Variants in PRDM10 observed in about 807,000 individuals in gnomAD.
The protein encoded by PRDM10 is PR/SET domain 10.
PRDM10 carries 65 observed loss-of-function variants against 133.1 expected under a neutral mutation model. The ratio of observed to expected loss-of-function variants is 0.49; its 90% confidence interval spans 0.40 to 0.60. The LOEUF is 0.60. Among genes scored for constraint, PRDM10 ranks in the 20% least tolerant of loss-of-function variants. The probability of loss-of-function intolerance (pLI) is 0.00; values close to 1 mark genes in which losing one functional copy is unlikely to be tolerated. For synonymous variants in PRDM10, 582 were observed against 580.4 expected (o/e 1.00, Z -0.04); for missense variants, 1,137 against 1,507.1 (o/e 0.75, Z 4.07).
intron 9 of PRDM10, among the ~76,000 whole-genome samples, chr11:129,932,778 C>G (rs376772427): frequency 1.0e-3 from 148 of 147,834 alleles, no homozygotes; most frequent in African/African-American, 3.0e-3. Flanking sequence ...TTTTTTTTCT[C>G]TTTTTGAGGC....
intron 4 of PRDM10, chr11:129,948,092 T>C (rs1347808659): frequency 2.2e-6 from 1 of 456,768 alleles, no homozygotes; most frequent in Non-Finnish European, 4.4e-6. Flanking sequence ...TGTTTCATCA[T>C]GCTGAAGTCA....
intron 2 of PRDM10, among the ~76,000 whole-genome samples, chr11:129,960,006 C>T (rs1459252306): frequency 6.6e-6 from 1 of 151,838 alleles, no homozygotes; most frequent in African/African-American, 2.4e-5. Flanking sequence ...ATCGAGCCTC[C>T]TGCCTTGCCC....
chr11:129,998,487 A>C (rs1294791866), intron 1 of PRDM10, among the ~76,000 whole-genome samples: 4 of 152,234 alleles, frequency 2.6e-5, no homozygotes, highest in Non-Finnish European at 5.9e-5. Flanking sequence ...ATGTTAGCAG[A>C]CAGTAACCTT....
intron 19 of PRDM10, among the ~76,000 whole-genome samples, chr11:129,906,546 T>C (rs1197986801): frequency 6.6e-6 from 1 of 152,212 alleles, no homozygotes; most frequent in Non-Finnish European, 1.5e-5. Context: ...TTGTGAAAAC[T>C]GGTAAACAAA....
At position 129,945,911 on chromosome 11, in the gene PRDM10, T is replaced by G. The variant is rs1378329493; in HGVS notation, c.521-899A>C. Among the ~76,000 whole-genome samples the G allele has an allele frequency of 6.6e-6, 1 of 152,224 alleles. No individual in the cohort carries two copies. Among genetic ancestry groups the G allele is most frequent in the Non-Finnish European group, 1.5e-5 (1 of 68,042 alleles). ...TAATATTTTAAAGATAAAGTGATTT[T>G]CTGTGCATTTGACTTAGGAGTTGCC... On this transcript the variant is annotated intron_variant, in intron 5 of 20. Transcript: ENST00000360871. This position sits in a 1 kb window ranked among gnomAD's most constrained non-coding sequence, Gnocchi z 4.2.
Position 129,945,153 on chromosome 11 carries a change from A to G in PRDM10, c.521-141T>C. ...AACTCCTAATGGCGCTACCCATTCA[A>G]CGGTAATACATTCTCTCTGGGAGAC... is the stretch of plus-strand genomic sequence containing the variant. On this transcript the variant is annotated intron_variant, in intron 5 of 20. Transcript: ENST00000360871. The surrounding 1 kb of genome is among the most constrained non-coding windows in gnomAD (Gnocchi z 4.2). The G allele has an allele frequency of 1.0e-6, 1 of 998,094 alleles. No homozygotes were observed. The highest frequency in any genetic ancestry group is 1.6e-5 in the African/African-American group (1 of 60,658). 61.8% of individuals were successfully genotyped at this position (998,094 alleles called of 1,614,324 possible).
chr11:129,966,209 A>T (rs1331965643), intron 1 of PRDM10, among the ~76,000 whole-genome samples: 2 of 152,094 alleles, frequency 1.3e-5, no homozygotes, highest in Non-Finnish European at 2.9e-5. Context: ...GAGTCACTGC[A>T]CTCCAGCCTA....
At chr11:129,994,661 C>G (rs1267228462) in intron 1 of PRDM10, among the ~76,000 whole-genome samples, 1 of 150,306 alleles carries the variant, frequency 6.7e-6, no homozygotes, top group Non-Finnish European at 1.5e-5. Context: ...TTTTCTTTCT[C>G]TTTTTTTTGA....
At chr11:129,963,609 T>C (rs1176055544) in intron 1 of PRDM10, among the ~76,000 whole-genome samples, 1 of 152,086 alleles carries the variant, frequency 6.6e-6, no homozygotes, top group Non-Finnish European at 1.5e-5. Flanking sequence ...TTTACTTTAC[T>C]ATTTCCCCTC....
Position 129,910,558 on chromosome 11 carries a change from C to A in PRDM10, c.3081G>T (p.Leu1027=). 2 of 1,614,036 alleles carry A rather than the reference C, an allele frequency of 1.2e-6. No homozygotes were observed. Among genetic ancestry groups the A allele is most frequent in the Non-Finnish European group, 1.7e-6 (2 of 1,179,990 alleles). ...TCTGCTGCTGCTGCTGCTGCTGCTG[C>A]AGAGCCTGCCCCTGTGTGGAAGAAC... ...QGSSSTQGQA[L]QQQQQQQQNS... Residue 1027 remains leucine, a synonymous_variant, in exon 19 of 21, where the codon CTG becomes CTT. Transcript: ENST00000360871.
rs961046406 is a variant in PRDM10, at chr11:129,945,286, T to C, written c.521-274A>G. ...CTTCTTTGCTGGAGAGTCCTTTGAA[T>C]AGTGGCCACTAAATTTACAAATCAA... On this transcript the variant is annotated intron_variant, in intron 5 of 20. Coordinates refer to ENST00000360871, the MANE Select transcript of PRDM10 (RefSeq NM_199437.2). This position sits in a 1 kb window ranked among gnomAD's most constrained non-coding sequence, Gnocchi z 4.2. Among the ~76,000 whole-genome samples the C allele has an allele frequency of 6.6e-6, 1 of 152,170 alleles. No homozygotes were observed. Among genetic ancestry groups the C allele is most frequent in the Non-Finnish European group, 1.5e-5 (1 of 68,024 alleles).
chr11:129,915,656 C>T lies in PRDM10; in HGVS notation c.2526+4G>A, dbSNP rs535656586. The T allele has an allele frequency of 1.7e-5, 27 of 1,566,952 alleles. No individual in the cohort carries two copies. The African/African-American group carries it at 3.4e-4, about 20-fold the overall frequency. On this transcript the variant is annotated splice_donor_region_variant and intron_variant, in intron 16 of 20. Coordinates refer to ENST00000360871, the MANE Select transcript of PRDM10 (RefSeq NM_199437.2). ...CCTTAGCTTTAGTCAGAAACTCCCC[C>T]TACCTTGCTGCTGTACTGCTTGGAG...
At chr11:129,928,503 T>C (rs1950753526) in intron 11 of PRDM10, among the ~76,000 whole-genome samples, 1 of 152,018 alleles carries the variant, frequency 6.6e-6, no homozygotes, top group Non-Finnish European at 1.5e-5. Context: ...GATTCTCTCA[T>C]CTCAGCCTCC....
intron 9 of PRDM10, 85 bp from the exon 10 acceptor site, chr11:129,932,316 CCA>C: frequency 1.3e-6 from 2 of 1,504,372 alleles, no homozygotes; most frequent in Non-Finnish European, 1.8e-6. Context: ...CTTACTAACC[CCA>C]GAGTTTGATT....
intron 1 of PRDM10, among the ~76,000 whole-genome samples, chr11:129,976,877 A>C (rs1171942576): frequency 7.0e-6 from 1 of 142,212 alleles, no homozygotes; most frequent in African/African-American, 2.8e-5. Flanking sequence ...GGGAAGCCCA[A>C]ATCCTCCATA....
At chr11:129,955,444 G>T in intron 4 of PRDM10, 68 bp downstream of exon 4, 1 of 1,470,992 alleles carries the variant, frequency 6.8e-7, no homozygotes, top group Non-Finnish European at 9.5e-7. Context: ...AGTGCAAAGG[G>T]ATGGGGCATT....
intron 1 of PRDM10, among the ~76,000 whole-genome samples, chr11:129,985,645 G>A (rs1938368740): frequency 6.6e-6 from 1 of 151,400 alleles, no homozygotes; most frequent in Non-Finnish European, 1.5e-5. Context: ...TTAGCCAGGT[G>A]TGGTGGCATG....
chr11:129,924,780 G>A (rs543817841), intron 12 of PRDM10, 102 bp downstream of exon 12: 2 of 972,372 alleles, frequency 2.1e-6, no homozygotes, highest in East Asian at 4.9e-5. Flanking sequence ...TTTCAAAGAA[G>A]GGATGGAAAT....
rs188519524 is a variant in PRDM10 at position 129,963,690 on chromosome 11, C to T, written c.-118-2608G>A. ...TAAGTTGCCAACACAATGCCCCTTTCCCCCTAAATTCCTAAGTGCCTAATT... is the reference window on the plus strand; with the variant it reads ...TAAGTTGCCAACACAATGCCCCTTTTCCCCTAAATTCCTAAGTGCCTAATT... On this transcript the variant is annotated intron_variant, in intron 1 of 20. Coordinates refer to ENST00000360871, the MANE Select transcript of PRDM10 (RefSeq NM_199437.2). Among the ~76,000 whole-genome samples the T allele has an allele frequency of 2.4e-4, 37 of 152,182 alleles. No homozygotes were observed. The South Asian group carries it at 3.3e-3, about 14-fold the overall frequency.
Sources: allele counts gnomAD v4.1 joint callset (sites outside exome capture counted in the v4.1 genomes callset), GRCh38; gene constraint gnomAD v4.1.1; non-coding constraint Gnocchi (gnomAD v3.1); transcripts MANE v1.5; gene names NCBI Gene and HGNC (gene_info 2026-07-23, HGNC 2026-07-21).